SPESP1: variants seen among roughly 807,000 people sequenced by gnomAD.
The protein encoded by SPESP1 is equatorial segment protein.
Under a neutral mutation model 3.1 loss-of-function variants are expected in SPESP1, and 1 was observed. The observed-to-expected ratio is 0.33, with a 90% confidence interval of 0.12 to 1.54. The LOEUF (loss-of-function observed/expected upper bound fraction) is 1.54, where lower values mean the gene tolerates loss of function less well. Ranked by LOEUF, SPESP1 falls within the 40% of genes most tolerant of loss-of-function variation. The pLI is 0.38. For synonymous variants in SPESP1, 138 were observed against 150.7 expected, an observed-to-expected ratio of 0.92 and a Z score of 0.62; for missense variants, 398 against 410.1, an observed-to-expected ratio of 0.97 and a Z score of 0.26.
intron 1 of SPESP1, among the ~76,000 whole-genome samples, chr15:68,936,677 G>T (rs1017047406): frequency 3.9e-5 from 6 of 152,230 alleles, no homozygotes; most frequent in African/African-American, 1.4e-4. Context: ...CATACTTTAA[G>T]ATAAATAAAA....
At chr15:68,942,118 A>G (rs368919329) in intron 1 of SPESP1, among the ~76,000 whole-genome samples, 2 of 150,878 alleles carry the variant, frequency 1.3e-5, no homozygotes, top group Non-Finnish European at 2.9e-5. Context: ...ATCACTGCAC[A>G]CAGCCAATAT....
chr15:68,933,236 G>A (rs1895596711), intron 1 of SPESP1, among the ~76,000 whole-genome samples: 1 of 152,102 alleles, frequency 6.6e-6, no homozygotes, highest in Non-Finnish European at 1.5e-5. Context: ...TCTTGTATCT[G>A]CCTATACCTT....
At chr15:68,932,313 C>T (rs1895564493) in intron 1 of SPESP1, among the ~76,000 whole-genome samples, 1 of 152,096 alleles carries the variant, frequency 6.6e-6, no homozygotes, top group African/African-American at 2.4e-5. Context: ...GGTAGGAGTC[C>T]CTGGACACCC....
intron 1 of SPESP1, among the ~76,000 whole-genome samples, chr15:68,931,517 C>A (rs1478523749): frequency 1.3e-5 from 2 of 152,134 alleles, no homozygotes; most frequent in Non-Finnish European, 1.5e-5. Flanking sequence ...AAAAGGTTGA[C>A]CCGTACGGTA....
chr15:68,945,933 G>A lies in SPESP1; in HGVS notation c.399G>A (p.Leu133=), dbSNP rs3743091. 1 of 1,613,934 alleles carries A rather than the reference G, an allele frequency of 6.2e-7. No individual in the cohort carries two copies. The highest frequency in any genetic ancestry group is 2.2e-5 in the East Asian group (1 of 44,854). ...SIKPNNVSIV[L]HAEEPYIENE... ...AACCAAACAATGTTTCCATTGTTTT[G>A]CATGCAGAGGAACCTTATATTGAAA... is the stretch of plus-strand genomic sequence containing the variant. Residue 133 remains leucine (L), a synonymous_variant, in exon 2 of 2, where the codon TTG becomes TTA. Coordinates refer to ENST00000310673, the MANE Select transcript of SPESP1 (RefSeq NM_145658.4).
intron 1 of SPESP1, among the ~76,000 whole-genome samples, chr15:68,941,178 T>C (rs919495602): frequency 6.6e-6 from 1 of 152,134 alleles, no homozygotes; most frequent in African/African-American, 2.4e-5. Flanking sequence ...CAGAAAAAAA[T>C]TGACATTTTT....
intron 1 of SPESP1, among the ~76,000 whole-genome samples, chr15:68,944,036 CA>C (rs1426975591): frequency 6.6e-6 from 1 of 152,026 alleles, no homozygotes; most frequent in African/African-American, 2.4e-5. Context: ...ATTTAGCCTG[CA>C]GGGGGATGGT....
intron 1 of SPESP1, among the ~76,000 whole-genome samples, chr15:68,944,723 AG>A (rs1407389871): frequency 1.3e-5 from 2 of 152,146 alleles, no homozygotes; most frequent in African/African-American, 4.8e-5. Context: ...TGCAGGCAAA[AG>A]CACCTGTAGA....
chr15:68,931,548 T>C (rs1258039878), intron 1 of SPESP1, among the ~76,000 whole-genome samples: 1 of 152,120 alleles, frequency 6.6e-6, no homozygotes, highest in Non-Finnish European at 1.5e-5. Flanking sequence ...AGCATGTGGA[T>C]TGTGGGTCGC....
At chr15:68,940,170 G>A (rs1396164519) in intron 1 of SPESP1, among the ~76,000 whole-genome samples, 1 of 152,070 alleles carries the variant, frequency 6.6e-6, no homozygotes, top group Non-Finnish European at 1.5e-5. Flanking sequence ...TTGGTTACAT[G>A]GGTAAGTTCT....
chr15:68,939,543 G>GTAGAA (rs1410707639), intron 1 of SPESP1, among the ~76,000 whole-genome samples: 2 of 152,214 alleles, frequency 1.3e-5, no homozygotes, highest in Non-Finnish European at 2.9e-5. Context: ...GACCTGATTA[G>GTAGAA]TAGAACTGAG....
At chr15:68,942,331 G>T (rs1595721346) in intron 1 of SPESP1, among the ~76,000 whole-genome samples, 1 of 151,934 alleles carries the variant, frequency 6.6e-6, no homozygotes, top group African/African-American at 2.4e-5. Flanking sequence ...CTTTTCAATG[G>T]ATTCTTTTGT....
At chr15:68,944,535 G>A (rs966899089) in intron 1 of SPESP1, among the ~76,000 whole-genome samples, 4 of 151,780 alleles carry the variant, frequency 2.6e-5, no homozygotes, top group Admixed American at 6.6e-5. Flanking sequence ...TTTTTGATCC[G>A]GGGGCAGGTG....
At chr15:68,942,274 A>G (rs1220567029) in intron 1 of SPESP1, among the ~76,000 whole-genome samples, 2 of 150,444 alleles carry the variant, frequency 1.3e-5, no homozygotes, top group African/African-American at 4.9e-5. Flanking sequence ...TGGTATATTG[A>G]TTTTTATGAC....
intron 1 of SPESP1, among the ~76,000 whole-genome samples, chr15:68,938,714 C>T (rs1895743601): frequency 6.6e-6 from 1 of 152,172 alleles, no homozygotes; most frequent in African/African-American, 2.4e-5. Context: ...ATCCTTGTGT[C>T]ATTTCTTTAT....
chr15:68,936,344 G>A (rs572217569), intron 1 of SPESP1, among the ~76,000 whole-genome samples: 2 of 152,236 alleles, frequency 1.3e-5, no homozygotes, highest in East Asian at 3.9e-4. Flanking sequence ...AAGTAGAAAT[G>A]TATGTGTATC....
chr15:68,932,581 G>A (rs1212425574), intron 1 of SPESP1, among the ~76,000 whole-genome samples: 7 of 152,046 alleles, frequency 4.6e-5, no homozygotes, highest in African/African-American at 1.7e-4. Context: ...TAGTAGAGAC[G>A]GGGTTTCACC....
intron 1 of SPESP1, among the ~76,000 whole-genome samples, chr15:68,934,858 C>T (rs892266199): frequency 6.6e-6 from 1 of 151,916 alleles, no homozygotes; most frequent in Non-Finnish European, 1.5e-5. Context: ...CTCAAATATT[C>T]ATACCTTGAC....
intron 1 of SPESP1, among the ~76,000 whole-genome samples, chr15:68,934,026 TATTA>T (rs930895968): frequency 1.5e-4 from 23 of 151,996 alleles, no homozygotes; most frequent in African/African-American, 4.3e-4. Context: ...AGTGTGTTAA[TATTA>T]ATTTAATATT....
Sources: gnomAD v4.1 joint callset for allele counts (sites outside exome capture counted in the v4.1 genomes callset) on GRCh38, gnomAD v4.1.1 for gene constraint, MANE v1.5 for transcripts, NCBI Gene and HGNC (gene_info 2026-07-23, HGNC 2026-07-21) for gene names.